Variants in STRN observed in about 807,000 individuals in gnomAD.
STRN encodes the protein striatin, also known as protein phosphatase 2 regulatory subunit B'''alpha.
A neutral mutation model predicts 96.3 loss-of-function variants in STRN; 53 were observed. The observed-to-expected ratio is 0.55, with a 90% confidence interval of 0.44 to 0.69. The LOEUF (loss-of-function observed/expected upper bound fraction) is 0.69, where lower values mean the gene tolerates loss of function less well. STRN is among the 30% of genes least tolerant of loss of function. The pLI is 0.00. For missense variants in STRN, 987 were observed against 963.9 expected (o/e 1.02, Z -0.32); for synonymous variants, 428 against 355.9 (o/e 1.20, Z -2.28).
intron 2 of STRN, among the ~76,000 whole-genome samples, chr2:36,921,166 C>A (rs996085925): frequency 1.3e-5 from 2 of 152,120 alleles, no homozygotes; most frequent in African/African-American, 4.8e-5. Context: ...GCTCATGTTC[C>A]TGCTGCCTTA....
At chr2:36,906,924 A>T (rs1203054607) in intron 3 of STRN, among the ~76,000 whole-genome samples, 1 of 116,968 alleles carries the variant, frequency 8.5e-6, no homozygotes, top group Non-Finnish European at 1.9e-5. Context: ...ACTCCATCTC[A>T]AAAAACAAAA....
At chr2:36,965,949 G>C (rs1665146924) in intron 1 of STRN, among the ~76,000 whole-genome samples, 2 of 152,156 alleles carry the variant, frequency 1.3e-5, no homozygotes, top group Non-Finnish European at 1.5e-5. Context: ...AGGATGGCCA[G>C]AGAGTTGAAA....
At chr2:36,890,277 C>T (rs1669353361) in intron 7 of STRN, among the ~76,000 whole-genome samples, 2 of 152,070 alleles carry the variant, frequency 1.3e-5, no homozygotes, top group South Asian at 4.1e-4. Context: ...ACTAGGTACC[C>T]ACTGTATTCT....
At chr2:36,895,431 C>T (rs1669513394) in intron 6 of STRN, among the ~76,000 whole-genome samples, 1 of 151,940 alleles carries the variant, frequency 6.6e-6, no homozygotes, top group African/African-American at 2.4e-5. Flanking sequence ...TCAAGAAATA[C>T]TTCTATGCTT....
intron 10 of STRN, among the ~76,000 whole-genome samples, chr2:36,876,076 C>G (rs1055256314): frequency 5.9e-5 from 9 of 152,082 alleles, no homozygotes; most frequent in Non-Finnish European, 1.3e-4. Context: ...TGAGACCAGT[C>G]TGAGCAATAT....
chr2:36,956,142 T>C (rs1664881777), intron 1 of STRN, among the ~76,000 whole-genome samples: 1 of 152,210 alleles, frequency 6.6e-6, no homozygotes, highest in Admixed American at 6.5e-5. Flanking sequence ...AAGTAGCTAC[T>C]ATGATAAACG....
At position 36,845,884 on chromosome 2, in the gene STRN, AAC is replaced by A. The variant is rs10539790; in HGVS notation, c.*3570_*3571del. The A allele has an allele frequency of 0.54, 64,979 of 120,550 alleles. 16,577 individuals are homozygous for A. Among genetic ancestry groups the A allele is most frequent in the Admixed American group, 0.6 (7,086 of 11,724 alleles). 7.5% of individuals were successfully genotyped at this position (120,550 alleles called of 1,614,324 possible). ...AAATCAGGACCTTCACAGATTGGTA[AAC>A]ACACACACACACACACACACGCATG... On this transcript the variant is annotated 3_prime_UTR_variant, in exon 18 of 18. Coordinates refer to ENST00000263918, the MANE Select transcript of STRN (RefSeq NM_003162.4).
At chr2:36,902,813 G>T in intron 4 of STRN, 62 bp from the exon 5 acceptor site, 1 of 1,334,460 alleles carries the variant, frequency 7.5e-7, no homozygotes, top group Non-Finnish European at 1.0e-6. Flanking sequence ...AATTTAATAT[G>T]TAAATAAAAG....
At chr2:36,855,118 T>C (rs2148129464) in intron 15 of STRN, 94 bp downstream of exon 15, 1 of 1,313,724 alleles carries the variant, frequency 7.6e-7, no homozygotes. Flanking sequence ...GAAAGCTTTA[T>C]AATGACAAAT....
chr2:36,862,752 T>G (rs1476967133), intron 12 of STRN, among the ~76,000 whole-genome samples: 1 of 151,056 alleles, frequency 6.6e-6, no homozygotes, highest in Non-Finnish European at 1.5e-5. Flanking sequence ...TTTTTTTTTT[T>G]GAGATGGAGT....
chr2:36,907,847 A>G (rs980384603), intron 3 of STRN, among the ~76,000 whole-genome samples: 1 of 152,158 alleles, frequency 6.6e-6, no homozygotes, highest in Non-Finnish European at 1.5e-5. Flanking sequence ...TTTTTCTTCT[A>G]AAAGAACTCT....
chr2:36,897,454 T>C (rs541232808), intron 6 of STRN, among the ~76,000 whole-genome samples: 121 of 151,810 alleles, frequency 8.0e-4, no homozygotes, highest in African/African-American at 2.6e-3. Flanking sequence ...TATTTTTTTT[T>C]TGAGACAGTC....
intron 3 of STRN, among the ~76,000 whole-genome samples, chr2:36,910,375 GAC>G (rs1394064599): frequency 1.3e-5 from 2 of 151,940 alleles, no homozygotes; most frequent in Admixed American, 6.6e-5. Flanking sequence ...AAAGACAAAA[GAC>G]TGCTGGAAAA....
At chr2:36,933,004 T>C (rs1670612111) in intron 1 of STRN, among the ~76,000 whole-genome samples, 1 of 151,970 alleles carries the variant, frequency 6.6e-6, no homozygotes, top group Non-Finnish European at 1.5e-5. Flanking sequence ...TTCACCTCTT[T>C]ATAAATGTTC....
intron 2 of STRN, among the ~76,000 whole-genome samples, chr2:36,920,515 G>A (rs1340055054): frequency 2.6e-5 from 4 of 151,950 alleles, no homozygotes; most frequent in African/African-American, 9.7e-5. Context: ...GTGTATGCCT[G>A]TAATCCCAGC....
At chr2:36,935,445 C>T (rs1054562156) in intron 1 of STRN, among the ~76,000 whole-genome samples, 15 of 152,110 alleles carry the variant, frequency 9.9e-5, no homozygotes, top group Non-Finnish European at 2.1e-4. Context: ...CTACCAAACA[C>T]CTTCTATAAT....
chr2:36,937,029 G>C (rs866427121), intron 1 of STRN, among the ~76,000 whole-genome samples: 3 of 152,142 alleles, frequency 2.0e-5, no homozygotes, highest in African/African-American at 4.8e-5. Context: ...AGCTGCGGAA[G>C]AGATAAATAA....
chr2:36,907,863 A>C (rs1341376693), intron 3 of STRN, among the ~76,000 whole-genome samples: 2 of 152,200 alleles, frequency 1.3e-5, no homozygotes, highest in Admixed American at 6.5e-5. Flanking sequence ...ACTCTAAAAT[A>C]ACTAGGCTTA....
intron 3 of STRN, among the ~76,000 whole-genome samples, chr2:36,912,536 T>C (rs1669989567): frequency 6.6e-6 from 1 of 152,176 alleles, no homozygotes; most frequent in Non-Finnish European, 1.5e-5. Context: ...CCTCCTACTG[T>C]TAATGTACTC....
Sources: allele counts gnomAD v4.1 joint callset (sites outside exome capture counted in the v4.1 genomes callset), GRCh38; gene constraint gnomAD v4.1.1; transcripts MANE v1.5; gene names NCBI Gene and HGNC (gene_info 2026-07-23, HGNC 2026-07-21).